The following CBFA2T2 variants were observed in gnomAD, a reference collection of about 807,000 sequenced individuals.
CBFA2T2 encodes CBFA2/RUNX1 partner transcriptional co-repressor 2.
In CBFA2T2, 11 loss-of-function variants were observed where a neutral mutation model predicts 62.2. The observed-to-expected ratio is 0.18, with a 90% CI of 0.11 to 0.29. The LOEUF (loss-of-function observed/expected upper bound fraction) is 0.29. Among genes scored for constraint, CBFA2T2 ranks in the 10% least tolerant of loss-of-function variants. The pLI, the probability that CBFA2T2 is intolerant of heterozygous loss-of-function variation, is 1.00. For missense variants in CBFA2T2, 592 were observed against 774.1 expected (o/e 0.76, Z 2.79); for synonymous variants, 295 against 287.5 (o/e 1.03, Z -0.27).
Position 33,626,292 on chromosome 20 carries a change from C to T in CBFA2T2, c.946+1275C>T, listed in dbSNP as rs536468964. On this transcript the variant is annotated intron_variant, in intron 6 of 10. Coordinates refer to ENST00000342704, the MANE Select transcript of CBFA2T2 (RefSeq NM_001032999.3). Reference sequence around the variant, plus strand: ...TAAGCAGGAAAGATGCAAGATTTCACCTTGGAGGAGAAAGTGCATGGACAT... The same window carrying T: ...TAAGCAGGAAAGATGCAAGATTTCATCTTGGAGGAGAAAGTGCATGGACAT... Among the ~76,000 whole-genome samples, 5 of 152,266 alleles carry T rather than the reference C, an allele frequency of 3.3e-5. No individual in the cohort carries two copies. In the South Asian group the frequency reaches 8.3e-4, roughly 25 times the overall value.
chr20:33,584,469 G>A (rs556867130), intron 1 of CBFA2T2, among the ~76,000 whole-genome samples: 10 of 150,350 alleles, frequency 6.7e-5, no homozygotes, highest in African/African-American at 2.4e-4. Context: ...GTGTTTGCCA[G>A]GATGGTCTCA....
intron 3 of CBFA2T2, among the ~76,000 whole-genome samples, chr20:33,619,171 T>C (rs2015831574): frequency 6.6e-6 from 1 of 152,100 alleles, no homozygotes. Context: ...GCTCAGGAGT[T>C]CAGGACCAGC....
chr20:33,631,174 C>T (rs773979859), intron 8 of CBFA2T2, among the ~76,000 whole-genome samples: 3 of 152,238 alleles, frequency 2.0e-5, no homozygotes, highest in African/African-American at 4.8e-5. Flanking sequence ...ATTAGCCAGG[C>T]GTGGTGGCGG....
intron 10 of CBFA2T2, among the ~76,000 whole-genome samples, chr20:33,642,116 T>TTGTGTG (rs869240464): frequency 2.5e-3 from 148 of 59,026 alleles, no homozygotes; most frequent in Admixed American, 3.7e-3. Context: ...TTTTTTTTTT[T>TTGTGTG]TGTGTGTGTG....
At chr20:33,605,028 A>G (rs1339511361) in intron 1 of CBFA2T2, among the ~76,000 whole-genome samples, 2 of 152,234 alleles carry the variant, frequency 1.3e-5, no homozygotes, top group Non-Finnish European at 1.5e-5. Flanking sequence ...AGTGTTGCCC[A>G]CATGGTTCTG....
At chr20:33,551,137 G>A (rs762599013) in intron 1 of CBFA2T2, among the ~76,000 whole-genome samples, 23 of 152,010 alleles carry the variant, frequency 1.5e-4, no homozygotes, top group Non-Finnish European at 2.6e-4. Flanking sequence ...TAGAGTAACT[G>A]TATATCCCTT....
chr20:33,629,977 C>A, intron 8 of CBFA2T2, 63 bp downstream of exon 8: 1 of 1,405,098 alleles, frequency 7.1e-7, no homozygotes, highest in Non-Finnish European at 9.5e-7. Context: ...ACCAATCTGT[C>A]ACAGAAGGCG....
intron 1 of CBFA2T2, among the ~76,000 whole-genome samples, chr20:33,591,512 AAAAAG>A (rs1421738310): frequency 6.6e-6 from 1 of 151,964 alleles, no homozygotes; most frequent in East Asian, 1.9e-4. Context: ...AAATATGTAC[AAAAAG>A]AAAAGAAAAA....
intron 1 of CBFA2T2, among the ~76,000 whole-genome samples, chr20:33,510,197 C>T (rs2011483111): frequency 6.6e-6 from 1 of 151,178 alleles, no homozygotes; most frequent in Non-Finnish European, 1.5e-5. Context: ...ATATGTGCCA[C>T]TTTTTCTTTT....
intron 8 of CBFA2T2, 52 bp from the exon 9 acceptor site, chr20:33,636,588 C>A: frequency 7.6e-7 from 1 of 1,323,788 alleles, no homozygotes; most frequent in Non-Finnish European, 1.1e-6. Flanking sequence ...AAAAATAAAA[C>A]TGCTGATCAT....
chr20:33,550,246 A>G (rs954187637), intron 1 of CBFA2T2, among the ~76,000 whole-genome samples: 2 of 152,210 alleles, frequency 1.3e-5, no homozygotes, highest in South Asian at 2.1e-4. Flanking sequence ...TTTAATACTT[A>G]TTAGCAAAGT....
intron 1 of CBFA2T2, among the ~76,000 whole-genome samples, chr20:33,554,259 T>C (rs1443199182): frequency 2.0e-5 from 3 of 150,780 alleles, no homozygotes; most frequent in South Asian, 2.1e-4. Context: ...TTTTTTCTTT[T>C]TTTTTTTTTT....
intron 3 of CBFA2T2, among the ~76,000 whole-genome samples, chr20:33,611,785 G>A (rs1483972081): frequency 6.6e-6 from 1 of 152,134 alleles, no homozygotes; most frequent in Non-Finnish European, 1.5e-5. Flanking sequence ...AAAGTGCTGG[G>A]ATTATAAGCA....
chr20:33,576,375 C>T (rs1353405277), intron 1 of CBFA2T2, among the ~76,000 whole-genome samples: 2 of 152,106 alleles, frequency 1.3e-5, no homozygotes, highest in Non-Finnish European at 1.5e-5. Context: ...GCCAGAGTGC[C>T]CATCTACCTT....
chr20:33,545,859 G>A (rs555132298), intron 1 of CBFA2T2, among the ~76,000 whole-genome samples: 1 of 152,324 alleles, frequency 6.6e-6, no homozygotes, highest in South Asian at 2.1e-4. Context: ...CAAATATCCA[G>A]TGTTGAAGCA....
chr20:33,648,548 G>C lies in CBFA2T2; in HGVS notation c.*3902G>C, dbSNP rs1358509372. ...TAGGCAGTCCACTTCGGGAGGTGGG[G>C]GCACTCCACACTGGGGGGCCCTGCA... is the stretch of plus-strand genomic sequence containing the variant. On this transcript the variant is annotated 3_prime_UTR_variant, in exon 11 of 11. Coordinates refer to ENST00000342704, the MANE Select transcript of CBFA2T2 (RefSeq NM_001032999.3). 1 of 152,262 alleles carries C rather than the reference G, an allele frequency of 6.6e-6. No homozygotes were observed. The highest frequency in any genetic ancestry group is 1.5e-5 in the Non-Finnish European group (1 of 68,112). The allele number at this position is 152,262 out of a possible 1,614,324, so 9.4% of individuals were successfully genotyped here.
chr20:33,515,465 T>C (rs556000811), intron 1 of CBFA2T2, among the ~76,000 whole-genome samples: 1 of 152,136 alleles, frequency 6.6e-6, no homozygotes, highest in African/African-American at 2.4e-5. Context: ...ATTTATGCTA[T>C]AATATCTACC....
At chr20:33,508,941 C>A (rs770858561) in intron 1 of CBFA2T2, among the ~76,000 whole-genome samples, 19 of 152,176 alleles carry the variant, frequency 1.2e-4, no homozygotes, top group Non-Finnish European at 2.5e-4. Context: ...GGAGCACAAA[C>A]TTACTTGTTT....
intron 1 of CBFA2T2, chr20:33,573,977 TG>T: frequency 2.3e-6 from 1 of 428,744 alleles, no homozygotes; most frequent in Non-Finnish European, 3.8e-6. Flanking sequence ...TTTGTAGAGG[TG>T]GGGTTTTGCC....
Sources: gnomAD v4.1 joint callset for allele counts (sites outside exome capture counted in the v4.1 genomes callset) on GRCh38, gnomAD v4.1.1 for gene constraint, MANE v1.5 for transcripts, NCBI Gene and HGNC (gene_info 2026-07-23, HGNC 2026-07-21) for gene names.